TSC22D1: variants seen among roughly 807,000 people sequenced by gnomAD.
TSC22D1 encodes TSC22 domain family protein 1.
In TSC22D1, 9 loss-of-function variants were observed where a neutral mutation model predicts 74.2. The observed-to-expected ratio is 0.12, with a 90% confidence interval of 0.07 to 0.21. The LOEUF (loss-of-function observed/expected upper bound fraction) is 0.21. Among genes scored for constraint, TSC22D1 ranks in the 10% least tolerant of loss-of-function variants. The pLI, the probability that TSC22D1 is intolerant of heterozygous loss-of-function variation, is 1.00. For missense variants in TSC22D1, 1,427 were observed against 1,304.7 expected, an observed-to-expected ratio of 1.09 and a Z score of -1.44; for synonymous variants, 586 against 492.5, an observed-to-expected ratio of 1.19 and a Z score of -2.51.
chr13:44,575,478 A>G lies in TSC22D1; in HGVS notation c.597T>C (p.Pro199=). The G allele has an allele frequency of 6.2e-7, 1 of 1,614,054 alleles. No homozygotes were observed. Among genetic ancestry groups the G allele is most frequent in the East Asian group, 2.2e-5 (1 of 44,880 alleles). ...VSPNQPHLPQ[P]HLPHLPQQNV... Reference sequence around the variant, plus strand: ...TCTGTTGTGGAAGGTGAGGCAAATGAGGCTGAGGAAGGTGGGGCTGGTTGG... The same window carrying G: ...TCTGTTGTGGAAGGTGAGGCAAATGGGGCTGAGGAAGGTGGGGCTGGTTGG... Residue 199 remains proline (P), a synonymous_variant, in exon 1 of 3, where the codon CCT becomes CCC. Coordinates refer to ENST00000458659, the MANE Select transcript of TSC22D1 (RefSeq NM_183422.4).
At chr13:44,517,857 A>ATATATATATT (rs10627677) in intron 1 of TSC22D1, among the ~76,000 whole-genome samples, 9 of 16,176 alleles carry the variant, frequency 5.6e-4, no homozygotes, top group East Asian at 3.8e-3. Flanking sequence ...ATATATATAT[A>ATATATATATT]TTTTTTTTTT....
intron 1 of TSC22D1, chr13:44,474,367 A>G (rs894191794): frequency 1.7e-5 from 12 of 713,312 alleles, no homozygotes; most frequent in African/African-American, 1.3e-4. Context: ...TCTGTCCCCT[A>G]AGGCAGTTTC....
intron 1 of TSC22D1, among the ~76,000 whole-genome samples, chr13:44,439,164 A>G (rs1412794859): frequency 6.6e-6 from 1 of 152,246 alleles, no homozygotes; most frequent in African/African-American, 2.4e-5. Flanking sequence ...CCATTTTCCT[A>G]TTGAAGGACA....
chr13:44,460,361 T>C (rs191236881), intron 1 of TSC22D1, among the ~76,000 whole-genome samples: 73 of 152,332 alleles, frequency 4.8e-4, no homozygotes, highest in African/African-American at 1.6e-3. Context: ...ACCACCTTTA[T>C]ACAGCTTGAT....
intron 2 of TSC22D1, chr13:44,435,767 A>C: frequency 2.0e-6 from 1 of 496,010 alleles, no homozygotes; most frequent in Non-Finnish European, 3.6e-6. Context: ...GCGCTTCCCT[A>C]ATAAATCCCC....
intron 1 of TSC22D1, among the ~76,000 whole-genome samples, chr13:44,482,764 G>C (rs1878236603): frequency 6.6e-6 from 1 of 152,052 alleles, no homozygotes; most frequent in African/African-American, 2.4e-5. Flanking sequence ...TACCAAAAAA[G>C]TTATTAGTTA....
intron 1 of TSC22D1, among the ~76,000 whole-genome samples, chr13:44,509,954 A>AAAAAAAAAAAAAAAAAAAAG (rs1879628353): frequency 6.8e-6 from 1 of 147,512 alleles, no homozygotes; most frequent in Non-Finnish European, 1.5e-5. Flanking sequence ...AATAAGCAAA[A>AAAAAAAAAAAAAAAAAAAAG]AAAAAAAAAA....
intron 1 of TSC22D1, among the ~76,000 whole-genome samples, chr13:44,527,155 T>C (rs1003141339): frequency 3.9e-5 from 6 of 152,118 alleles, no homozygotes; most frequent in African/African-American, 1.4e-4. Context: ...AATTTGTCAC[T>C]ACTAGACCTG....
chr13:44,500,406 T>C (rs897464825), intron 1 of TSC22D1, among the ~76,000 whole-genome samples: 2 of 152,202 alleles, frequency 1.3e-5, no homozygotes, highest in African/African-American at 4.8e-5. Flanking sequence ...TTCACAGCTG[T>C]TCAACAATCC....
Position 44,539,110 on chromosome 13 carries a change from C to A in TSC22D1, c.2912+34053G>T, listed in dbSNP as rs562121457. The A allele has an allele frequency of 5.2e-4, 514 of 985,214 alleles. 2 individuals carry two copies. The South Asian group carries it at 0.011, about 21-fold the overall frequency. 61.0% of individuals were successfully genotyped at this position (985,214 alleles called of 1,614,324 possible). A position where few individuals can be genotyped will look rare whatever the true frequency, so the allele number is the denominator to read the frequency against. On this transcript the variant is annotated intron_variant, in intron 1 of 2. Transcript: ENST00000458659. ...CATGGGGGAAATCTAGGAAAGGGTT[C>A]TTTTACCATAAATATTTATTCCTAG...
At chr13:44,568,513 A>G (rs1248319134) in intron 1 of TSC22D1, among the ~76,000 whole-genome samples, 1 of 152,094 alleles carries the variant, frequency 6.6e-6, no homozygotes. Context: ...AATTATATAT[A>G]TATAGTAGAG....
chr13:44,509,950 C>G (rs372774330), intron 1 of TSC22D1, among the ~76,000 whole-genome samples: 1 of 51,426 alleles, frequency 1.9e-5, no homozygotes, highest in Non-Finnish European at 3.6e-5. Context: ...AGAAAATAAG[C>G]AAAAAAAAAA....
intron 1 of TSC22D1, among the ~76,000 whole-genome samples, chr13:44,569,500 A>G (rs1883607810): frequency 6.6e-6 from 1 of 152,116 alleles, no homozygotes; most frequent in South Asian, 2.1e-4. Context: ...GTGCATGTAC[A>G]TCTTGAAAAA....
intron 1 of TSC22D1, among the ~76,000 whole-genome samples, chr13:44,485,570 G>C (rs1027672672): frequency 8.5e-5 from 13 of 152,168 alleles, no homozygotes; most frequent in Non-Finnish European, 1.9e-4. Flanking sequence ...GAATAACCTG[G>C]AAATGGGTAC....
chr13:44,463,904 T>C (rs1474862912), intron 1 of TSC22D1, among the ~76,000 whole-genome samples: 4 of 152,176 alleles, frequency 2.6e-5, no homozygotes, highest in African/African-American at 4.8e-5. Flanking sequence ...TGCTGGCCTA[T>C]GGAGAGTTCC....
chr13:44,461,571 CA>C (rs1399114990), intron 1 of TSC22D1, among the ~76,000 whole-genome samples: 3 of 151,980 alleles, frequency 2.0e-5, no homozygotes, highest in African/African-American at 7.3e-5. Context: ...TTAATTAGAC[CA>C]GAGAATGACT....
intron 1 of TSC22D1, among the ~76,000 whole-genome samples, chr13:44,499,458 A>T (rs539744213): frequency 2.0e-5 from 3 of 152,324 alleles, no homozygotes; most frequent in Non-Finnish European, 4.4e-5. Flanking sequence ...GACACATTAA[A>T]GTGTTTTGTT....
chr13:44,517,856 T>TAC (rs1880117314), intron 1 of TSC22D1, among the ~76,000 whole-genome samples: 1 of 45,550 alleles, frequency 2.2e-5, no homozygotes, highest in African/African-American at 6.4e-5. Context: ...TATATATATA[T>TAC]ATTTTTTTTT....
At chr13:44,538,698 TAA>T (rs1480316110) in intron 1 of TSC22D1, 2 of 985,278 alleles carry the variant, frequency 2.0e-6, no homozygotes, top group Non-Finnish European at 2.4e-6. Flanking sequence ...GAGTAATTCT[TAA>T]AAGTTTATAA....
Sources: gnomAD v4.1 joint callset for allele counts (sites outside exome capture counted in the v4.1 genomes callset) on GRCh38, gnomAD v4.1.1 for gene constraint, MANE v1.5 for transcripts, NCBI Gene and HGNC (gene_info 2026-07-23, HGNC 2026-07-21) for gene names.